IGF1R: variants seen among roughly 807,000 people sequenced by gnomAD.
The protein encoded by IGF1R is insulin-like growth factor 1 receptor.
IGF1R carries 44 observed loss-of-function variants against 144.6 expected under a neutral mutation model. That is an observed-to-expected ratio of 0.30 (90% CI 0.24 to 0.39). The LOEUF (loss-of-function observed/expected upper bound fraction) is 0.39. IGF1R is among the 10% of genes least tolerant of loss of function. IGF1R has a pLI of 1.00. For synonymous variants in IGF1R, 795 were observed against 722.8 expected (o/e 1.10, Z -1.60); for missense variants, 1,355 against 1,833.7 (o/e 0.74, Z 4.77).
At chr15:98,749,855 T>C (rs543610917) in intron 2 of IGF1R, among the ~76,000 whole-genome samples, 269 of 151,628 alleles carry the variant, frequency 1.8e-3, no homozygotes, top group Non-Finnish European at 2.2e-3. Flanking sequence ...AAAAATAATT[T>C]TATCGTTTTA....
rs1217961550 is a variant in IGF1R, at chr15:98,720,115, C to T, written c.640+12008C>T. ...CTTTCAGATGCCAGCTCCTCAGCCT[C>T]CTGTAACTCCAGTCGCAAAATCCCT... On this transcript the variant is annotated intron_variant, in intron 2 of 20. Coordinates refer to ENST00000650285, the MANE Select transcript of IGF1R (RefSeq NM_000875.5). Among the ~76,000 whole-genome samples, 4 of 152,206 alleles carry T rather than the reference C, an allele frequency of 2.6e-5. No individual in the cohort carries two copies. The East Asian group carries it at 7.7e-4, about 29-fold the overall frequency.
intron 19 of IGF1R, among the ~76,000 whole-genome samples, chr15:98,945,835 C>T (rs1373116149): frequency 6.6e-6 from 1 of 152,166 alleles, no homozygotes. Context: ...GACTCTAGCA[C>T]TCAGTGGTCC....
chr15:98,813,712 A>T (rs183821166), intron 2 of IGF1R, among the ~76,000 whole-genome samples: 1 of 152,352 alleles, frequency 6.6e-6, no homozygotes, highest in East Asian at 1.9e-4. Flanking sequence ...TACAGTACCC[A>T]GAATAGGTGA....
At chr15:98,740,254 T>C (rs1380353455) in intron 2 of IGF1R, among the ~76,000 whole-genome samples, 1 of 152,250 alleles carries the variant, frequency 6.6e-6, no homozygotes, top group Non-Finnish European at 1.5e-5. Context: ...CCTCTGTGCA[T>C]GGCTAATCCA....
At chr15:98,726,711 G>GTT (rs1307795252) in intron 2 of IGF1R, among the ~76,000 whole-genome samples, 1 of 128,282 alleles carries the variant, frequency 7.8e-6, no homozygotes, top group Non-Finnish European at 1.7e-5. Flanking sequence ...TTACATTGAT[G>GTT]ATTTTTTTTT....
In IGF1R at chr15:98,688,414, C is replaced by CTGTGTGTG. The variant is rs10528336; in HGVS notation, c.95-19117_95-19110dup. Among the ~76,000 whole-genome samples, 1,286 of 143,590 alleles carry CTGTGTGTG rather than the reference C, an allele frequency of 9.0e-3. 15 individuals carry two copies. Among genetic ancestry groups the CTGTGTGTG allele is most frequent in the African/African-American group, 0.027 (1,047 of 38,484 alleles). The allele number at this position is 143,590 out of a possible 152,430, so 94.2% of individuals were successfully genotyped here. A position where few individuals can be genotyped will look rare whatever the true frequency, so the allele number is the denominator to read the frequency against. ...CTTCGACTCACCACACAACACACAC[C>CTGTGTGTG]TGTGTGTGTGTGTGTGTGTGTGTGT... On this transcript the variant is annotated intron_variant, in intron 1 of 20. Coordinates refer to ENST00000650285, the MANE Select transcript of IGF1R (RefSeq NM_000875.5).
intron 2 of IGF1R, chr15:98,820,880 C>CT (rs770649915): frequency 6.6e-6 from 1 of 152,172 alleles, no homozygotes; most frequent in African/African-American, 2.4e-5. Flanking sequence ...TGAATTTTTT[C>CT]TTTAAGTATC....
intron 1 of IGF1R, among the ~76,000 whole-genome samples, chr15:98,700,847 C>A (rs1025044785): frequency 6.6e-6 from 1 of 152,102 alleles, no homozygotes; most frequent in Non-Finnish European, 1.5e-5. Flanking sequence ...GTCTTCCTGA[C>A]CTCCTCGGAG....
rs756732631 is a variant in IGF1R at position 98,924,679 on chromosome 15, C to A, written c.2777C>A (p.Ala926Asp). Residue 926 changes from alanine to aspartate, a missense_variant, in exon 13 of 21, where the codon GCC becomes GAC. Coordinates refer to ENST00000650285, the MANE Select transcript of IGF1R (RefSeq NM_000875.5). ...WTDPVFFYVQ[A>D]KTGYENFIHL... ...GATCCTGTGTTCTTCTATGTCCAGG[C>A]CAAAAGTAAGGCTTGTGGAGGGAGA... 1 of 1,613,498 alleles carries A rather than the reference C, an allele frequency of 6.2e-7. No homozygotes were observed. Among genetic ancestry groups the A allele is most frequent in the Non-Finnish European group, 8.5e-7 (1 of 1,179,842 alleles).
chr15:98,778,382 TTGGG>T (rs1364520177), intron 2 of IGF1R, among the ~76,000 whole-genome samples: 1 of 152,242 alleles, frequency 6.6e-6, no homozygotes, highest in East Asian at 1.9e-4. Context: ...AGCTGTGGGC[TTGGG>T]TTATAGTCAC....
Position 98,708,205 on chromosome 15 carries a change from C to T in IGF1R, c.640+98C>T, listed in dbSNP as rs116077755. ...TTCTGAGTGCACGAGTTCCGCTGGG[C>T]AGGGTGCAGTCGTGTTGCATTTAGG... On this transcript the variant is annotated intron_variant, in intron 2 of 20. Transcript: ENST00000650285. The T allele has an allele frequency of 6.7e-5, 71 of 1,063,896 alleles. 1 individual carries two copies. In the African/African-American group the frequency reaches 9.9e-4, roughly 15 times the overall value. The allele number at this position is 1,063,896 out of a possible 1,614,324, so 65.9% of individuals were successfully genotyped here.
At chr15:98,946,015 C>T (rs1420869542) in intron 19 of IGF1R, among the ~76,000 whole-genome samples, 4 of 151,402 alleles carry the variant, frequency 2.6e-5, no homozygotes, top group South Asian at 2.1e-4. Context: ...ATGATGATGA[C>T]GATGATGACG....
intron 1 of IGF1R, among the ~76,000 whole-genome samples, chr15:98,693,787 G>C (rs1431385646): frequency 6.6e-6 from 1 of 152,116 alleles, no homozygotes; most frequent in Non-Finnish European, 1.5e-5. Context: ...TGTATTTTTA[G>C]TAGAGATGGG....
chr15:98,918,327 G>A (rs1355584251), intron 10 of IGF1R, among the ~76,000 whole-genome samples: 1 of 152,154 alleles, frequency 6.6e-6, no homozygotes, highest in Non-Finnish European at 1.5e-5. Context: ...GGAGCCTGTA[G>A]CGGCTATTTA....
At chr15:98,829,144 T>C (rs1448009768) in intron 2 of IGF1R, among the ~76,000 whole-genome samples, 1 of 152,192 alleles carries the variant, frequency 6.6e-6, no homozygotes, top group African/African-American at 2.4e-5. Flanking sequence ...ACAAGGCATT[T>C]TACCAAGTCC....
intron 1 of IGF1R, among the ~76,000 whole-genome samples, chr15:98,659,257 C>T (rs1034234483): frequency 2.6e-5 from 4 of 151,818 alleles, no homozygotes; most frequent in South Asian, 2.1e-4. Flanking sequence ...TTTCAGTAAA[C>T]GATGGTCATC....
chr15:98,856,686 C>T (rs1219819687), intron 2 of IGF1R, among the ~76,000 whole-genome samples: 1 of 152,234 alleles, frequency 6.6e-6, no homozygotes, highest in African/African-American at 2.4e-5. Flanking sequence ...AGGATGTTTG[C>T]TGTTCTTTAG....
intron 3 of IGF1R, among the ~76,000 whole-genome samples, chr15:98,895,444 G>A (rs999490784): frequency 1.3e-5 from 2 of 151,948 alleles, no homozygotes; most frequent in African/African-American, 4.8e-5. Flanking sequence ...AGTTTATAGG[G>A]TATGTAGATA....
intron 2 of IGF1R, among the ~76,000 whole-genome samples, chr15:98,850,363 C>T (rs751476533): frequency 2.6e-5 from 4 of 152,172 alleles, no homozygotes; most frequent in Non-Finnish European, 4.4e-5. Context: ...GTGGCAGAGA[C>T]AAGCTGGAAA....
Sources: allele counts gnomAD v4.1 joint callset (sites outside exome capture counted in the v4.1 genomes callset), GRCh38; gene constraint gnomAD v4.1.1; transcripts MANE v1.5; gene names NCBI Gene and HGNC (gene_info 2026-07-23, HGNC 2026-07-21).